Variants in FHIP2B observed in about 807,000 individuals in gnomAD.
FHIP2B encodes the protein FHF complex subunit HOOK interacting protein 2B, also known as FHF complex subunit HOOK-interacting protein 2B.
FHIP2B carries 72 observed loss-of-function variants against 84.0 expected under a neutral mutation model. That is an observed-to-expected ratio of 0.86 (90% CI 0.71 to 1.04). The LOEUF (loss-of-function observed/expected upper bound fraction) is 1.04. Ranked by LOEUF, FHIP2B falls within the 50% of genes least tolerant of loss-of-function variation. The pLI is 0.00. For synonymous variants in FHIP2B, 497 were observed against 418.7 expected (o/e 1.19, Z -2.28); for missense variants, 972 against 968.9 (o/e 1.00, Z -0.04).
chr8:22,099,189 C>G (rs186860563), intron 8 of FHIP2B, 95 bp from the exon 9 acceptor site: 25 of 1,535,878 alleles, frequency 1.6e-5, no homozygotes, highest in Non-Finnish European at 1.9e-5. Context: ...GGCCGGGACC[C>G]TCTCCTGTGG....
Position 22,103,028 on chromosome 8 carries a change from C to A in FHIP2B, c.*97C>A. On this transcript the variant is annotated 3_prime_UTR_variant, in exon 17 of 17. Coordinates refer to ENST00000289921, the MANE Select transcript of FHIP2B (RefSeq NM_022749.7). Reference sequence around the variant, plus strand: ...GCCACACTCCCCTCCTGGGATGGGGCTTCTGCTCCCGGGCTCACTCAAGGA... The same window carrying A: ...GCCACACTCCCCTCCTGGGATGGGGATTCTGCTCCCGGGCTCACTCAAGGA... 2.1e-6 allele frequency: 3 copies of A among 1,438,010 alleles called. No homozygotes were observed. The highest frequency in any genetic ancestry group is 2.8e-6 in the Non-Finnish European group (3 of 1,074,524). 89.1% of individuals were successfully genotyped at this position (1,438,010 alleles called of 1,614,324 possible). A position where few individuals can be genotyped will look rare whatever the true frequency, so the allele number is the denominator to read the frequency against.
intron 3 of FHIP2B, 81 bp downstream of exon 3, chr8:22,096,590 G>C (rs895432659): frequency 7.1e-7 from 1 of 1,417,484 alleles, no homozygotes; most frequent in African/African-American, 1.5e-5. Context: ...GGAGGCCTCT[G>C]TGCGCTGGGC....
At position 22,102,814 on chromosome 8, in the gene FHIP2B, C is replaced by T. The variant is rs772832875; in HGVS notation, c.2115C>T (p.Leu705=). The T allele has an allele frequency of 2.5e-6, 4 of 1,613,596 alleles. No individual in the cohort carries two copies. The highest frequency in any genetic ancestry group is 3.4e-6 in the Non-Finnish European group (4 of 1,179,806). ...PGEQLDHQTL[L]QGVVVLEEFC... ...TCAGGCTGGACCACCAGACCCTCCT[C>T]CAGGGCGTGGTGGTGCTGGAGGAGT... Residue 705 remains leucine, a synonymous_variant, in exon 17 of 17, where the codon CTC becomes CTT. Transcript: ENST00000289921.
In FHIP2B at chr8:22,093,956, G is replaced by A. The variant is rs185441166; in HGVS notation, c.46-484G>A. ...TGGTTTAAACTCCTGGACTCGAGCCGTCTGCCCACCTTTGCCTCACAAACT... is the reference window on the plus strand; with the variant it reads ...TGGTTTAAACTCCTGGACTCGAGCCATCTGCCCACCTTTGCCTCACAAACT... On this transcript the variant is annotated intron_variant, in intron 1 of 16. Transcript: ENST00000289921. 1.9e-4 allele frequency among the ~76,000 whole-genome samples: 29 copies of A among 152,150 alleles called. No homozygotes were observed. In the East Asian group the frequency reaches 3.9e-3, roughly 20 times the overall value.
At chr8:22,098,701 G>A (rs1825934306) in intron 7 of FHIP2B, 82 bp downstream of exon 7, 5 of 1,391,690 alleles carry the variant, frequency 3.6e-6, no homozygotes, top group South Asian at 1.4e-5. Context: ...GCTCCCCTGG[G>A]GTTCCACGTT....
intron 2 of FHIP2B, chr8:22,096,128 G>C (rs1304404216): frequency 1.9e-6 from 1 of 527,664 alleles, no homozygotes; most frequent in African/African-American, 1.9e-5. Context: ...GTTCTCAGAG[G>C]ACTGTGTCCT....
rs566229900 is a variant in FHIP2B at position 22,096,433 on chromosome 8, G to A, written c.221G>A (p.Gly74Asp). 327 of 1,556,128 alleles carry A rather than the reference G, an allele frequency of 2.1e-4. 1 individual carries two copies. The Middle Eastern group carries it at 2.3e-3, about 11-fold the overall frequency. The change falls in exon 3 of 17, where the codon GGT (glycine) becomes GAT (aspartate). Residue 74 changes from glycine to aspartate, a missense_variant. Physicochemically the swap from Gly to Asp is moderately conservative, Grantham distance 94 (BLOSUM62 -1). Transcript: ENST00000289921. ...VYEEQQQAAA[G>D]EAGPCLEYLL... The stretch of plus-strand genomic sequence containing the variant: ...GAAGAGCAGCAGCAGGCGGCCGCGG[G>A]TGAGGCAGGGCCCTGCCTGGAGTAC...
In FHIP2B at chr8:22,099,292, G is replaced by T; in HGVS notation, c.1083G>T (p.Ala361=). The T allele has an allele frequency of 3.7e-6, 6 of 1,613,684 alleles. No homozygotes were observed. The highest frequency in any genetic ancestry group is 5.1e-6 in the Non-Finnish European group (6 of 1,179,818). Residue 361 remains alanine, a synonymous_variant, in exon 9 of 17, where the codon GCG becomes GCT. Coordinates refer to ENST00000289921, the MANE Select transcript of FHIP2B (RefSeq NM_022749.7). ...HLITEAHTVV[A]DALAKAVAEN... is the part of the protein sequence containing the mutation. ...CGCTCTCTGGCACCCAGGTGGTTGC[G>T]GACGCCTTGGCGAAGGCTGTGGCTG... is the stretch of plus-strand genomic sequence containing the variant.
rs368951510 is a variant in FHIP2B at position 22,098,534 on chromosome 8, G to T, written c.880G>T (p.Val294Phe). The T allele has an allele frequency of 1.9e-6, 3 of 1,612,836 alleles. No homozygotes were observed. Among genetic ancestry groups the T allele is most frequent in the African/African-American group, 2.7e-5 (2 of 74,994 alleles). The change falls in exon 7 of 17, where the codon GTC becomes TTC. Residue 294 changes from valine (V) to phenylalanine (F), a missense_variant. By Grantham distance (50) the Val-to-Phe change is conservative. Transcript: ENST00000289921. ...VQSSACCPAI[V>F]RHLCQLYRSM... The stretch of plus-strand genomic sequence containing the variant: ...GAGCAGCGCCTGCTGCCCTGCGATC[G>T]TCCGGCACCTTTGCCAGTTGTACCG...
intron 3 of FHIP2B, 122 bp downstream of exon 3, chr8:22,096,631 G>A (rs1586326016): frequency 1.5e-6 from 2 of 1,354,652 alleles, no homozygotes; most frequent in East Asian, 2.7e-5. Flanking sequence ...TCTGAGTGCT[G>A]GGCCAGGCTG....
chr8:22,091,542 T>C (rs1477668098), intron 1 of FHIP2B, among the ~76,000 whole-genome samples: 1 of 152,252 alleles, frequency 6.6e-6, no homozygotes, highest in Non-Finnish European at 1.5e-5. Flanking sequence ...CCACCATGTC[T>C]GGCCACTAAT....
chr8:22,097,628 G>A lies in FHIP2B; in HGVS notation c.402+8G>A. 1 of 1,603,864 alleles carries A rather than the reference G, an allele frequency of 6.2e-7. No individual in the cohort carries two copies. Among genetic ancestry groups the A allele is most frequent in the East Asian group, 2.3e-5 (1 of 44,388 alleles). ...GTCCACAGGCCTGTGCAGGTGAGGG[G>A]CCCGGAAGCCAAGGGGTGTCTGGGT... On this transcript the variant is annotated splice_region_variant and intron_variant, in intron 4 of 16. Transcript: ENST00000289921.
Position 22,089,214 on chromosome 8 carries a change from G to T in FHIP2B, c.-40G>T. The T allele has an allele frequency of 5.7e-6, 6 of 1,056,538 alleles. No individual in the cohort carries two copies. The highest frequency in any genetic ancestry group is 4.6e-6 in the Non-Finnish European group (4 of 876,418). The allele number at this position is 1,056,538 out of a possible 1,614,324, so 65.4% of individuals were successfully genotyped here. A position where few individuals can be genotyped will look rare whatever the true frequency, so the allele number is the denominator to read the frequency against. ...TGCCTCCTCCGCCTAGAGCGCTGCC[G>T]CCGCCGCTTTCGCCCGGGAGCCGGG... On this transcript the variant is annotated 5_prime_UTR_variant, in exon 1 of 17. Transcript: ENST00000289921.
chr8:22,096,458 C>T lies in FHIP2B; in HGVS notation c.246C>T (p.Tyr82=). 2.6e-6 allele frequency: 4 copies of T among 1,554,490 alleles called. No homozygotes were observed. The highest frequency in any genetic ancestry group is 3.5e-6 in the Non-Finnish European group (4 of 1,149,066). ...AAGEAGPCLE[Y]LLQHKILETL... The stretch of plus-strand genomic sequence containing the variant: ...GTGAGGCAGGGCCCTGCCTGGAGTA[C>T]CTGCTGCAGCACAAGATCCTGGAGA... Residue 82 remains tyrosine (Y), a synonymous_variant, in exon 3 of 17, where the codon TAC becomes TAT. Transcript: ENST00000289921.
At chr8:22,094,031 G>T (rs370571113) in intron 1 of FHIP2B, among the ~76,000 whole-genome samples, 1 of 151,996 alleles carries the variant, frequency 6.6e-6, no homozygotes, top group African/African-American at 2.4e-5. Context: ...CCACATTTTC[G>T]ATCTGTATCA....
chr8:22,092,329 C>T (rs1825534146), intron 1 of FHIP2B, among the ~76,000 whole-genome samples: 2 of 152,200 alleles, frequency 1.3e-5, no homozygotes, highest in Non-Finnish European at 2.9e-5. Context: ...CCTGTAATCC[C>T]AGCACTTTGG....
chr8:22,096,802 G>T (rs888485514), intron 3 of FHIP2B: 3 of 304,404 alleles, frequency 9.9e-6, no homozygotes, highest in Non-Finnish European at 1.8e-5. Context: ...CCATCCCAGC[G>T]CTCCTGTTCC....
rs756491395 is a variant in FHIP2B, at chr8:22,101,871, C to A, written c.1851+20C>A. The A allele has an allele frequency of 6.2e-7, 1 of 1,611,326 alleles. No individual in the cohort carries two copies. The highest frequency in any genetic ancestry group is 8.5e-7 in the Non-Finnish European group (1 of 1,178,948). On this transcript the variant is annotated intron_variant, in intron 14 of 16. Coordinates refer to ENST00000289921, the MANE Select transcript of FHIP2B (RefSeq NM_022749.7). Reference sequence around the variant, plus strand: ...GATCAGGTAGCTAGTGGGCCTGGGCCAGGAGAACTCCAGGCTGGTGCCTCT... The same window carrying A: ...GATCAGGTAGCTAGTGGGCCTGGGCAAGGAGAACTCCAGGCTGGTGCCTCT...
At chr8:22,100,040 A>C (rs1371713676) in intron 10 of FHIP2B, 147 bp downstream of exon 10, 2 of 753,434 alleles carry the variant, frequency 2.7e-6, no homozygotes, top group Non-Finnish European at 2.0e-6. Flanking sequence ...CTTTTATCAC[A>C]CACTAATTTT....
Sources: allele counts gnomAD v4.1 joint callset (sites outside exome capture counted in the v4.1 genomes callset), GRCh38; gene constraint gnomAD v4.1.1; transcripts MANE v1.5; gene names NCBI Gene and HGNC (gene_info 2026-07-23, HGNC 2026-07-21).